Variants in ST18 observed in about 807,000 individuals in gnomAD.
The protein encoded by ST18 is suppression of tumorigenicity 18 protein.
In ST18, 50 loss-of-function variants were observed where a neutral mutation model predicts 110.0. The observed-to-expected ratio is 0.45, with a 90% CI of 0.36 to 0.58. The LOEUF is 0.58. Ranked by LOEUF, ST18 falls within the 20% of genes least tolerant of loss-of-function variation. The probability of loss-of-function intolerance (pLI) is 0.00; values close to 1 mark genes in which losing one functional copy is unlikely to be tolerated. For synonymous variants in ST18, 461 were observed against 452.4 expected, an observed-to-expected ratio of 1.02 and a Z score of -0.24; for missense variants, 1,306 against 1,280.1, an observed-to-expected ratio of 1.02 and a Z score of -0.31.
At chr8:52,213,814 C>A (rs1327455104) in intron 7 of ST18, among the ~76,000 whole-genome samples, 5 of 152,126 alleles carry the variant, frequency 3.3e-5, no homozygotes, top group Non-Finnish European at 7.4e-5. Context: ...AACCAGATAA[C>A]ATAAAAATCA....
intron 2 of ST18, among the ~76,000 whole-genome samples, chr8:52,245,815 T>C (rs1479520545): frequency 6.6e-6 from 1 of 152,158 alleles, no homozygotes; most frequent in African/African-American, 2.4e-5. Flanking sequence ...TCTAAAATGC[T>C]CTTATAGTGT....
At chr8:52,274,017 C>T (rs1193844085) in intron 2 of ST18, among the ~76,000 whole-genome samples, 1 of 152,166 alleles carries the variant, frequency 6.6e-6, no homozygotes, top group African/African-American at 2.4e-5. Context: ...TCTTTTAAAT[C>T]ATGACACATC....
intron 23 of ST18, among the ~76,000 whole-genome samples, chr8:52,119,133 T>C (rs1421576532): frequency 6.6e-6 from 1 of 152,166 alleles, no homozygotes; most frequent in Non-Finnish European, 1.5e-5. Context: ...GGCAACTTAC[T>C]TATCTTCTTT....
At chr8:52,401,470 C>T (rs1020037634) in intron 2 of ST18, among the ~76,000 whole-genome samples, 8 of 152,126 alleles carry the variant, frequency 5.3e-5, no homozygotes, top group African/African-American at 1.9e-4. Context: ...TATTTTGTCA[C>T]TTAATGAGTG....
At position 52,374,215 on chromosome 8, in the gene ST18, AT is replaced by A. The variant is rs572315167; in HGVS notation, c.-465+35112del. Among the ~76,000 whole-genome samples the A allele has an allele frequency of 1.6e-4, 24 of 152,298 alleles. No homozygotes were observed. In the East Asian group the frequency reaches 4.6e-3, roughly 29 times the overall value. On this transcript the variant is annotated intron_variant, in intron 2 of 25. Transcript: ENST00000689386. ...TGGAGTTGAAATAAGGTCCTACTAC[AT>A]TAGGGTGTCCTTAAATCCAGTATGA...
At chr8:52,140,450 G>T (rs941406434) in intron 17 of ST18, among the ~76,000 whole-genome samples, 1 of 152,014 alleles carries the variant, frequency 6.6e-6, no homozygotes, top group African/African-American at 2.4e-5. Flanking sequence ...GATTGAACTG[G>T]GAGGTGGAGC....
chr8:52,349,732 G>T (rs954679451), intron 2 of ST18, among the ~76,000 whole-genome samples: 1 of 152,192 alleles, frequency 6.6e-6, no homozygotes, highest in African/African-American at 2.4e-5. Flanking sequence ...ATCAGTCAGG[G>T]TCCTGGTGGG....
chr8:52,286,471 C>G (rs2095473332), intron 2 of ST18, among the ~76,000 whole-genome samples: 1 of 152,098 alleles, frequency 6.6e-6, no homozygotes, highest in Admixed American at 6.5e-5. Context: ...ATGCATGATG[C>G]TTTTCAAGCT....
At position 52,284,824 on chromosome 8, in the gene ST18, A is replaced by T. The variant is rs188122721; in HGVS notation, c.-464-54747T>A. ...AAATATAACCCCCGCCACCCCCCAA[A>T]AAAATCAAATGTAGCTTTAATTATG... On this transcript the variant is annotated intron_variant, in intron 2 of 25. Transcript: ENST00000689386. Among the ~76,000 whole-genome samples, 11 of 152,278 alleles carry T rather than the reference A, an allele frequency of 7.2e-5. No individual in the cohort carries two copies. In the East Asian group the frequency reaches 1.2e-3, roughly 16 times the overall value.
intron 3 of ST18, among the ~76,000 whole-genome samples, chr8:52,225,980 A>G (rs1299015015): frequency 6.6e-6 from 1 of 152,234 alleles, no homozygotes. Context: ...CCTGTTAATC[A>G]CTGCTGCTTT....
intron 8 of ST18, among the ~76,000 whole-genome samples, chr8:52,189,142 A>G (rs2073548835): frequency 6.6e-6 from 1 of 152,116 alleles, no homozygotes; most frequent in Non-Finnish European, 1.5e-5. Flanking sequence ...CCCCCAAACA[A>G]TAACCAACAT....
rs1337986311 is a variant in ST18, at chr8:52,178,627, AAAAAAAAAAAAAAAAAC to A, written c.277+1478_277+1494del. ...GTGAGACTCCATCAAAAAAAAAAAA[AAAAAAAAAAAAAAAAAC>A]CACCAAAAACCAAAATAAAACAAAC... On this transcript the variant is annotated intron_variant, in intron 9 of 25. Transcript: ENST00000689386. Among the ~76,000 whole-genome samples, 3 of 129,060 alleles carry A rather than the reference AAAAAAAAAAAAAAAAAC, an allele frequency of 2.3e-5. 1 individual carries two copies. The highest frequency in any genetic ancestry group is 2.2e-4 in the Admixed American group (3 of 13,766). 84.7% of individuals were successfully genotyped at this position (129,060 alleles called of 152,430 possible).
At chr8:52,321,499 G>A (rs1355044699) in intron 2 of ST18, among the ~76,000 whole-genome samples, 2 of 152,136 alleles carry the variant, frequency 1.3e-5, no homozygotes, top group Non-Finnish European at 1.5e-5. Flanking sequence ...GCCACCAAGT[G>A]CAAACAACTG....
intron 2 of ST18, among the ~76,000 whole-genome samples, chr8:52,234,013 C>G (rs1465792908): frequency 6.6e-6 from 1 of 152,172 alleles, no homozygotes; most frequent in Non-Finnish European, 1.5e-5. Flanking sequence ...CAACCCCAGC[C>G]TCTGGTAACC....
intron 8 of ST18, among the ~76,000 whole-genome samples, chr8:52,185,733 T>A (rs984341834): frequency 6.6e-6 from 1 of 152,090 alleles, no homozygotes; most frequent in Non-Finnish European, 1.5e-5. Context: ...GAAAAAGAGA[T>A]CCCTCTACTT....
intron 22 of ST18, 130 bp downstream of exon 22, chr8:52,131,828 C>A: frequency 1.4e-6 from 1 of 726,882 alleles, no homozygotes; most frequent in Non-Finnish European, 2.3e-6. Context: ...TACAGCAAGA[C>A]TTCATGTTAT....
At chr8:52,160,311 T>A (rs1266718612) in intron 14 of ST18, among the ~76,000 whole-genome samples, 1 of 152,214 alleles carries the variant, frequency 6.6e-6, no homozygotes, top group South Asian at 2.1e-4. Context: ...TTGGAAGCTA[T>A]TTTTGGTAAG....
At chr8:52,387,965 C>T (rs1485623118) in intron 2 of ST18, among the ~76,000 whole-genome samples, 1 of 151,240 alleles carries the variant, frequency 6.6e-6, no homozygotes, top group Admixed American at 6.6e-5. Flanking sequence ...CACCCCCCCG[C>T]CCCACGCCGG....
At chr8:52,364,873 G>A (rs536402218) in intron 2 of ST18, among the ~76,000 whole-genome samples, 2 of 152,256 alleles carry the variant, frequency 1.3e-5, no homozygotes, top group Middle Eastern at 6.8e-3. Flanking sequence ...ACTTTGAGAG[G>A]CCGAGGCGGG....
Sources: allele counts gnomAD v4.1 joint callset (sites outside exome capture counted in the v4.1 genomes callset), GRCh38; gene constraint gnomAD v4.1.1; transcripts MANE v1.5; gene names NCBI Gene and HGNC (gene_info 2026-07-23, HGNC 2026-07-21).